Variants in MCCC2 observed in about 807,000 individuals in gnomAD.
The protein encoded by MCCC2 is methylcrotonyl-CoA carboxylase subunit 2, also known as methylcrotonoyl-CoA carboxylase beta chain, mitochondrial.
In MCCC2, 52 loss-of-function variants were observed where a neutral mutation model predicts 77.2. That is an observed-to-expected ratio of 0.67 (90% CI 0.54 to 0.85). MCCC2 has a LOEUF of 0.85. Ranked by LOEUF, MCCC2 falls within the 40% of genes least tolerant of loss-of-function variation. MCCC2 has a pLI of 0.00. For missense variants in MCCC2, 682 were observed against 703.2 expected, an observed-to-expected ratio of 0.97 and a Z score of 0.34; for synonymous variants, 253 against 248.4, an observed-to-expected ratio of 1.02 and a Z score of -0.18.
intron 5 of MCCC2, chr5:71,602,836 C>A: frequency 1.5e-6 from 1 of 675,768 alleles, no homozygotes. Context: ...GCATAATACT[C>A]ATACATTTTG....
chr5:71,617,003 A>G (rs1746175614), intron 6 of MCCC2, among the ~76,000 whole-genome samples: 2 of 151,968 alleles, frequency 1.3e-5, no homozygotes, highest in Middle Eastern at 3.4e-3. Context: ...ACATGCTGCA[A>G]GGTTATTCTT....
At chr5:71,652,314 A>G (rs773840195) in intron 15 of MCCC2, among the ~76,000 whole-genome samples, 19 of 152,228 alleles carry the variant, frequency 1.2e-4, no homozygotes, top group Non-Finnish European at 1.8e-4. Flanking sequence ...TGAGAATCTC[A>G]TACTTTTCCA....
At chr5:71,651,956 C>A (rs571587306) in intron 15 of MCCC2, among the ~76,000 whole-genome samples, 134 of 152,300 alleles carry the variant, frequency 8.8e-4, no homozygotes, top group African/African-American at 3.2e-3. Flanking sequence ...GTTAATGGTT[C>A]TCCCTCAGAA....
At position 71,588,735 on chromosome 5, in the gene MCCC2, G is replaced by A. The variant is rs562019928; in HGVS notation, c.129+1181G>A. ...CCAAGTTCAGGGTGCAGGATGGAAG[G>A]TAAGACTGTATAAACCAAGAGAGTT... On this transcript the variant is annotated intron_variant, in intron 1 of 16. Coordinates refer to ENST00000340941, the MANE Select transcript of MCCC2 (RefSeq NM_022132.5). 2.3e-3 allele frequency among the ~76,000 whole-genome samples: 357 copies of A among 152,252 alleles called. 4 individuals are homozygous for A. The highest frequency in any genetic ancestry group is 0.023 in the Admixed American group (349 of 15,280).
Position 71,632,142 on chromosome 5 carries a change from G to T in MCCC2, c.760G>T (p.Glu254Ter). The stretch of plus-strand genomic sequence containing the variant: ...GTAGGTTAAAGCGGCAACTGGGGAA[G>T]AAGTATCTGCTGAGGATCTTGGAGG... ...PPLVKAATGEEVSAEDLGGAD... is the reference protein window; with the variant it reads ...PPLVKAATGE Residue 254 changes from glutamate (E) to a stop codon, truncating the protein, a stop_gained, in exon 8 of 17, where the codon GAA becomes TAA. Transcript: ENST00000340941. LOFTEE classifies it high-confidence loss of function. 1 of 1,614,224 alleles carries T rather than the reference G, an allele frequency of 6.2e-7. No individual in the cohort carries two copies. Among genetic ancestry groups the T allele is most frequent in the Non-Finnish European group, 8.5e-7 (1 of 1,180,028 alleles).
At chr5:71,592,212 C>T (rs1392891935) in intron 1 of MCCC2, among the ~76,000 whole-genome samples, 1 of 152,098 alleles carries the variant, frequency 6.6e-6, no homozygotes, top group African/African-American at 2.4e-5. Context: ...GAAACCCGGT[C>T]TCTATTAAAA....
At chr5:71,640,722 T>A (rs376629035) in intron 10 of MCCC2, among the ~76,000 whole-genome samples, 2 of 152,340 alleles carry the variant, frequency 1.3e-5, no homozygotes, top group Admixed American at 6.5e-5. Context: ...CGAACAGTCC[T>A]TGAAGCTCTA....
chr5:71,632,978 G>T (rs1251716361), intron 8 of MCCC2, among the ~76,000 whole-genome samples: 1 of 150,612 alleles, frequency 6.6e-6, no homozygotes, highest in African/African-American at 2.4e-5. Context: ...AATGTTGGTT[G>T]CCATTATGAT....
intron 1 of MCCC2, among the ~76,000 whole-genome samples, chr5:71,589,153 G>A (rs191312691): frequency 1.2e-4 from 18 of 152,312 alleles, no homozygotes; most frequent in African/African-American, 4.3e-4. Context: ...GTTAATAACT[G>A]AGTGGAAGGG....
chr5:71,646,412 G>A (rs903529302), intron 13 of MCCC2, 135 bp downstream of exon 13: 3 of 751,504 alleles, frequency 4.0e-6, no homozygotes, highest in Middle Eastern at 2.3e-4. Flanking sequence ...TCTTTCTGGA[G>A]GCCCTTTAAG....
intron 6 of MCCC2, among the ~76,000 whole-genome samples, chr5:71,618,177 G>T (rs1447807045): frequency 1.3e-5 from 2 of 152,118 alleles, no homozygotes; most frequent in African/African-American, 4.8e-5. Flanking sequence ...CAGTTTAAAT[G>T]TGTCCCCCAA....
At chr5:71,615,221 G>T (rs143496026) in intron 6 of MCCC2, among the ~76,000 whole-genome samples, 1 of 152,106 alleles carries the variant, frequency 6.6e-6, no homozygotes, top group South Asian at 2.1e-4. Flanking sequence ...CACCCACCTC[G>T]ACCTCCCAGA....
Position 71,633,119 on chromosome 5 carries a change from A to AT in MCCC2, c.803+935dup, listed in dbSNP as rs1188256414. Among the ~76,000 whole-genome samples the AT allele has an allele frequency of 1.1e-3, 31 of 28,706 alleles. 1 individual carries two copies. Among genetic ancestry groups the AT allele is most frequent in the African/African-American group, 2.4e-3 (26 of 10,930 alleles). 18.8% of individuals were successfully genotyped at this position (28,706 alleles called of 152,430 possible). ...TATATATATATATATATATATATATATATATATATATATTTTTATTTTTTG... is the reference window on the plus strand; with the variant it reads ...TATATATATATATATATATATATATATTATATATATATATTTTTATTTTTTG... On this transcript the variant is annotated intron_variant, in intron 8 of 16. Coordinates refer to ENST00000340941, the MANE Select transcript of MCCC2 (RefSeq NM_022132.5).
intron 7 of MCCC2, among the ~76,000 whole-genome samples, chr5:71,629,489 G>A (rs1294600670): frequency 6.6e-6 from 1 of 152,142 alleles, no homozygotes; most frequent in Admixed American, 6.5e-5. Flanking sequence ...TTTATGGTAT[G>A]TGAATTCTAT....
At chr5:71,598,050 G>A (rs1745258633) in intron 3 of MCCC2, among the ~76,000 whole-genome samples, 1 of 151,822 alleles carries the variant, frequency 6.6e-6, no homozygotes, top group Admixed American at 6.6e-5. Context: ...GTGGTTCTAA[G>A]GAGGACATGA....
intron 6 of MCCC2, among the ~76,000 whole-genome samples, chr5:71,608,693 T>C (rs1745791717): frequency 1.3e-5 from 2 of 152,216 alleles, no homozygotes; most frequent in Non-Finnish European, 2.9e-5. Flanking sequence ...ACATTTTGGC[T>C]TGATTTTTGC....
At chr5:71,617,420 G>C (rs1180795168) in intron 6 of MCCC2, among the ~76,000 whole-genome samples, 1 of 152,022 alleles carries the variant, frequency 6.6e-6, no homozygotes, top group Non-Finnish European at 1.5e-5. Context: ...TCCTCTACTA[G>C]TCTGTTAGCT....
chr5:71,634,371 A>G (rs911380498), intron 8 of MCCC2, among the ~76,000 whole-genome samples: 1 of 152,232 alleles, frequency 6.6e-6, no homozygotes, highest in Non-Finnish European at 1.5e-5. Context: ...CCAAGGGCCA[A>G]TGTATTCAAG....
At position 71,616,106 on chromosome 5, in the gene MCCC2, G is replaced by A. The variant is rs962731216; in HGVS notation, c.625-10534G>A. On this transcript the variant is annotated intron_variant, in intron 6 of 16. Coordinates refer to ENST00000340941, the MANE Select transcript of MCCC2 (RefSeq NM_022132.5). Reference sequence around the variant, plus strand: ...CTCATCCAAGTGCTAGGAAGGTGGTGCATTCCCACTCCGCGGGGACAGAAG... The same window carrying A: ...CTCATCCAAGTGCTAGGAAGGTGGTACATTCCCACTCCGCGGGGACAGAAG... 6.6e-5 allele frequency among the ~76,000 whole-genome samples: 10 copies of A among 152,240 alleles called. No homozygotes were observed. The East Asian group carries it at 1.9e-3, about 29-fold the overall frequency.
Sources: gnomAD v4.1 joint callset for allele counts (sites outside exome capture counted in the v4.1 genomes callset) on GRCh38, gnomAD v4.1.1 for gene constraint, MANE v1.5 for transcripts, NCBI Gene and HGNC (gene_info 2026-07-23, HGNC 2026-07-21) for gene names.